Variants in TENM2 observed in about 807,000 individuals in gnomAD.
TENM2 encodes teneurin transmembrane protein 2, also known as teneurin-2.
In TENM2, 52 loss-of-function variants were observed where a neutral mutation model predicts 245.2. That is an observed-to-expected ratio of 0.21 (90% CI 0.17 to 0.27). The LOEUF is 0.27. Among genes scored for constraint, TENM2 ranks in the 10% least tolerant of loss-of-function variants. TENM2 has a pLI of 1.00. For missense variants in TENM2, 3,046 were observed against 3,666.8 expected (o/e 0.83, Z 4.37); for synonymous variants, 1,363 against 1,438.9 (o/e 0.95, Z 1.19).
At chr5:168,172,523 G>A (rs934994291) in intron 13 of TENM2, among the ~76,000 whole-genome samples, 2 of 152,088 alleles carry the variant, frequency 1.3e-5, no homozygotes, top group Non-Finnish European at 2.9e-5. Flanking sequence ...AAGCTCCCAC[G>A]GCGAAAACAT....
At chr5:167,542,746 C>T (rs1772298038) in intron 2 of TENM2, among the ~76,000 whole-genome samples, 1 of 151,992 alleles carries the variant, frequency 6.6e-6, no homozygotes, top group African/African-American at 2.4e-5. Flanking sequence ...TTTCTGTCAA[C>T]TACAAAGGAT....
chr5:166,998,200 G>A, the TENM2 span, among the ~76,000 whole-genome samples: 2 of 152,166 alleles, frequency 1.3e-5, no homozygotes, highest in East Asian at 3.9e-4. Context: ...AAGGAGAAAA[G>A]ACCAAATGTG....
intron 2 of TENM2, among the ~76,000 whole-genome samples, chr5:167,697,795 G>A (rs1757867524): frequency 6.6e-6 from 1 of 152,274 alleles, no homozygotes; most frequent in East Asian, 1.9e-4. Flanking sequence ...AAAGTGCTTG[G>A]ATTACAGGTG....
intron 1 of TENM2, among the ~76,000 whole-genome samples, chr5:167,314,452 C>T (rs1756231276): frequency 6.6e-6 from 1 of 152,064 alleles, no homozygotes; most frequent in African/African-American, 2.4e-5. Context: ...GTTGGTAAGA[C>T]TGTCAACGGA....
chr5:167,177,705 A>G, the TENM2 span, among the ~76,000 whole-genome samples: 3 of 152,198 alleles, frequency 2.0e-5, no homozygotes, highest in Non-Finnish European at 4.4e-5. Flanking sequence ...GTGTCAGGGA[A>G]AGCAGTTGAC....
chr5:168,094,467 C>T (rs1793195680), intron 8 of TENM2, among the ~76,000 whole-genome samples: 1 of 152,062 alleles, frequency 6.6e-6, no homozygotes, highest in African/African-American at 2.4e-5. Context: ...GTAGGAATGA[C>T]TTCAAAAAAT....
At chr5:168,203,817 C>T in exon 18 of TENM2, 3 of 1,611,894 alleles carry the variant, frequency 1.9e-6, no homozygotes, top group Non-Finnish European at 2.5e-6. Context: ...ACACCACATC[C>T]TCAATGTTAA....
At chr5:167,851,067 T>C (rs933804317) in intron 2 of TENM2, among the ~76,000 whole-genome samples, 7 of 152,200 alleles carry the variant, frequency 4.6e-5, no homozygotes, top group African/African-American at 1.7e-4. Flanking sequence ...GAGCAAAGCC[T>C]TGAAACCTAC....
At chr5:168,230,687 A>G (rs1441968816) in intron 25 of TENM2, among the ~76,000 whole-genome samples, 1 of 152,150 alleles carries the variant, frequency 6.6e-6, no homozygotes, top group Non-Finnish European at 1.5e-5. Flanking sequence ...CTGTCACATG[A>G]GGGCATGAAA....
intron 2 of TENM2, among the ~76,000 whole-genome samples, chr5:167,753,108 C>T (rs1254048700): frequency 2.6e-5 from 4 of 152,086 alleles, no homozygotes; most frequent in Non-Finnish European, 4.4e-5. Flanking sequence ...CATTCTTAGA[C>T]CACACCCAGA....
At chr5:167,031,444 T>A in the TENM2 span, among the ~76,000 whole-genome samples, 2 of 152,186 alleles carry the variant, frequency 1.3e-5, no homozygotes, top group Admixed American at 6.5e-5. Flanking sequence ...AGTCAGTAGT[T>A]GGTTCTGAAA....
At chr5:167,207,942 CG>C in the TENM2 span, among the ~76,000 whole-genome samples, 1 of 152,062 alleles carries the variant, frequency 6.6e-6, no homozygotes, top group Non-Finnish European at 1.5e-5. Flanking sequence ...TTAGTAGAGA[CG>C]GGATTTCACC....
chr5:167,380,681 T>C (rs1761047457), intron 2 of TENM2, among the ~76,000 whole-genome samples: 1 of 152,146 alleles, frequency 6.6e-6, no homozygotes, highest in African/African-American at 2.4e-5. Context: ...GATTATTACA[T>C]GTGTAATCTC....
At chr5:167,770,353 C>T (rs1301435478) in intron 2 of TENM2, among the ~76,000 whole-genome samples, 4 of 152,110 alleles carry the variant, frequency 2.6e-5, no homozygotes, top group Non-Finnish European at 5.9e-5. Flanking sequence ...AAGTGGGGAA[C>T]AAGGAGAAGT....
Position 168,190,555 on chromosome 5 carries a change from C to G in TENM2, c.2780+8C>G. The G allele has an allele frequency of 6.2e-7, 1 of 1,610,554 alleles. No individual in the cohort carries two copies. Among genetic ancestry groups the G allele is most frequent in the South Asian group, 1.1e-5 (1 of 90,658 alleles). Reference sequence around the variant, plus strand: ...GAACCCTTTCAACAGCAGGTAGGCACCCTCTGTCCCTGCAAACTCCTGAAG... The same window carrying G: ...GAACCCTTTCAACAGCAGGTAGGCAGCCTCTGTCCCTGCAAACTCCTGAAG... On this transcript the variant is annotated splice_region_variant and intron_variant, in intron 14 of 28. Transcript: ENST00000518659.
chr5:167,508,973 C>T (rs1401152730), intron 2 of TENM2, among the ~76,000 whole-genome samples: 1 of 152,136 alleles, frequency 6.6e-6, no homozygotes. Context: ...CATGTGCCAC[C>T]ACGCCCGGCT....
At chr5:167,003,976 C>T in the TENM2 span, among the ~76,000 whole-genome samples, 1 of 151,966 alleles carries the variant, frequency 6.6e-6, no homozygotes, top group Non-Finnish European at 1.5e-5. Flanking sequence ...AATGTTAATC[C>T]CAGCCATGAT....
rs544928560 is a variant in TENM2, at chr5:167,736,623, C to T, written c.503-139363C>T. Reference sequence around the variant, plus strand: ...CCATTATGAAACCTTAAAAACTCGACTCTAATAAATGTGTTGGATTAGCAG... The same window carrying T: ...CCATTATGAAACCTTAAAAACTCGATTCTAATAAATGTGTTGGATTAGCAG... On this transcript the variant is annotated intron_variant, in intron 2 of 28. Transcript: ENST00000518659. Among the ~76,000 whole-genome samples, 8 of 150,874 alleles carry T rather than the reference C, an allele frequency of 5.3e-5. No individual in the cohort carries two copies. The East Asian group carries it at 1.2e-3, about 22-fold the overall frequency.
chr5:168,216,883 C>A, exon 22 of TENM2: 1 of 1,613,974 alleles, frequency 6.2e-7, no homozygotes, highest in Non-Finnish European at 8.5e-7. Flanking sequence ...TCACTGCCGT[C>A]CGGCCGCTGA....
Sources: allele counts gnomAD v4.1 joint callset (sites outside exome capture counted in the v4.1 genomes callset), GRCh38; gene constraint gnomAD v4.1.1; transcripts MANE v1.5; gene names NCBI Gene and HGNC (gene_info 2026-07-23, HGNC 2026-07-21).